MKLN1: variants seen among roughly 807,000 people sequenced by gnomAD.
MKLN1 encodes the protein muskelin.
A neutral mutation model predicts 99.0 loss-of-function variants in MKLN1; 18 were observed. That is an observed-to-expected ratio of 0.18 (90% CI 0.13 to 0.27). The LOEUF is 0.27. Ranked by LOEUF, MKLN1 falls within the 10% of genes least tolerant of loss-of-function variation. MKLN1 has a pLI of 1.00. For synonymous variants in MKLN1, 288 were observed against 293.2 expected (o/e 0.98, Z 0.18); for missense variants, 621 against 875.9 (o/e 0.71, Z 3.67).
At chr7:131,165,728 C>T (rs1487322262) in intron 2 of MKLN1, among the ~76,000 whole-genome samples, 1 of 152,140 alleles carries the variant, frequency 6.6e-6, no homozygotes, top group African/African-American at 2.4e-5. Flanking sequence ...AATAAGATAA[C>T]ACGAGTGATC....
intron 8 of MKLN1, among the ~76,000 whole-genome samples, chr7:131,427,687 G>A (rs929877790): frequency 6.6e-6 from 1 of 151,986 alleles, no homozygotes; most frequent in African/African-American, 2.4e-5. Context: ...CCGAATAGTT[G>A]GGATTACAGG....
rs188202539 is a variant in MKLN1 at position 131,307,589 on chromosome 7, T to C, written c.-178-67835T>C. On this transcript the variant is annotated intron_variant, in intron 3 of 7. Coordinates refer to the MKLN1 transcript ENST00000416992. ...ATCAGCATGCTCTGGATGTGAGACA[T>C]GGAGTCAAAGGAGATTATTTTGGAG... is the stretch of plus-strand genomic sequence containing the variant. Among the ~76,000 whole-genome samples, 42 of 152,326 alleles carry C rather than the reference T, an allele frequency of 2.8e-4. No individual in the cohort carries two copies. In the East Asian group the frequency reaches 6.9e-3, roughly 25 times the overall value.
rs548550869 is a variant in MKLN1 at position 131,442,559 on chromosome 7, C to A, written c.1174-922C>A. On this transcript the variant is annotated intron_variant, in intron 10 of 17. Transcript: ENST00000352689. ...TGAAATTCTGTCTAGGAAAAAAAAA[C>A]AAATTATGAAAATAGCCTTTTGTTT... Among the ~76,000 whole-genome samples the A allele has an allele frequency of 3.6e-3, 549 of 151,958 alleles. 2 individuals carry two copies. Among genetic ancestry groups the A allele is most frequent in the African/African-American group, 0.013 (520 of 41,440 alleles).
intron 5 of MKLN1, among the ~76,000 whole-genome samples, chr7:131,397,759 A>G (rs772974639): frequency 5.3e-5 from 8 of 152,150 alleles, no homozygotes; most frequent in Non-Finnish European, 1.0e-4. Flanking sequence ...TTTCACTTGT[A>G]TTCATATAAA....
chr7:131,359,320 T>C lies in MKLN1; in HGVS notation c.99-16104T>C, dbSNP rs112360847. ...CAAATATTTTGGGATTTTCCAGCTATCTGTGAATGACTTCTAGTTTAATTC... is the reference window on the plus strand; with the variant it reads ...CAAATATTTTGGGATTTTCCAGCTACCTGTGAATGACTTCTAGTTTAATTC... On this transcript the variant is annotated intron_variant, in intron 1 of 17. Transcript: ENST00000352689. 5.5e-3 allele frequency among the ~76,000 whole-genome samples: 842 copies of C among 152,334 alleles called. 10 individuals carry two copies. The highest frequency in any genetic ancestry group is 0.019 in the African/African-American group (806 of 41,564).
chr7:131,482,320 G>A (rs940042876), intron 17 of MKLN1, among the ~76,000 whole-genome samples: 5 of 152,060 alleles, frequency 3.3e-5, no homozygotes, highest in South Asian at 2.1e-4. Context: ...TCAGCCTCCC[G>A]AGTAGCTGGG....
At chr7:131,393,700 C>T (rs528798697) in intron 4 of MKLN1, among the ~76,000 whole-genome samples, 78 of 152,222 alleles carry the variant, frequency 5.1e-4, no homozygotes, top group African/African-American at 1.8e-3. Context: ...GGTCATAGCT[C>T]ACTGTAACAC....
chr7:131,244,059 A>G (rs189110379), intron 3 of MKLN1, among the ~76,000 whole-genome samples: 1 of 152,242 alleles, frequency 6.6e-6, no homozygotes, highest in African/African-American at 2.4e-5. Flanking sequence ...AAGATTCTCC[A>G]AATGTAAAAC....
rs1795557149 is a variant in MKLN1 at position 131,131,864 on chromosome 7, T to C, written c.-418-10956T>C. ...TATTGAGAACTTACATCAGGTATTA[T>C]ACTGCCCTGGTTTCAGACTCAGGAC... is the stretch of plus-strand genomic sequence containing the variant. On this transcript the variant is annotated intron_variant, in intron 1 of 7. Transcript: ENST00000416992. Among the ~76,000 whole-genome samples, 3 of 152,224 alleles carry C rather than the reference T, an allele frequency of 2.0e-5. No homozygotes were observed. In the South Asian group the frequency reaches 6.2e-4, roughly 31 times the overall value.
chr7:131,132,947 A>AAGAAAG (rs1554526877), intron 1 of MKLN1, among the ~76,000 whole-genome samples: 59 of 56,622 alleles, frequency 1.0e-3, no homozygotes, highest in East Asian at 1.4e-3. Flanking sequence ...AAAAAAAAAA[A>AAGAAAG]AAAGAAAGAA....
At chr7:131,435,178 G>A (rs1263348043) in intron 9 of MKLN1, among the ~76,000 whole-genome samples, 2 of 152,096 alleles carry the variant, frequency 1.3e-5, no homozygotes, top group Non-Finnish European at 1.5e-5. Context: ...ATTTTCAGAT[G>A]TAAAATCAAC....
At chr7:131,460,749 G>A (rs1441875046) in intron 12 of MKLN1, among the ~76,000 whole-genome samples, 2 of 152,158 alleles carry the variant, frequency 1.3e-5, no homozygotes, top group Non-Finnish European at 2.9e-5. Context: ...TGCCTGATTT[G>A]ACCCTGAGCA....
At chr7:131,131,051 C>CCAA (rs1554526618) in intron 1 of MKLN1, among the ~76,000 whole-genome samples, 3 of 65,322 alleles carry the variant, frequency 4.6e-5, no homozygotes, top group African/African-American at 6.8e-5. Flanking sequence ...GACCCTGTCT[C>CCAA]AAAAAAAAAA....
At chr7:131,321,980 G>A (rs912625853) in intron 3 of MKLN1, among the ~76,000 whole-genome samples, 2 of 152,214 alleles carry the variant, frequency 1.3e-5, no homozygotes, top group Non-Finnish European at 2.9e-5. Context: ...AGTTGTCCAT[G>A]GAAGAGATAA....
intron 1 of MKLN1, among the ~76,000 whole-genome samples, chr7:131,132,435 T>TATAC (rs1426615195): frequency 6.6e-6 from 1 of 152,200 alleles, no homozygotes; most frequent in East Asian, 1.9e-4. Flanking sequence ...AAAAGACACA[T>TATAC]ATACATACAT....
At chr7:131,333,014 C>T (rs1343012511) in intron 1 of MKLN1, among the ~76,000 whole-genome samples, 1 of 152,110 alleles carries the variant, frequency 6.6e-6, no homozygotes, top group Non-Finnish European at 1.5e-5. Flanking sequence ...AACTCTGCCT[C>T]CTGGCTTCAA....
At chr7:131,437,068 T>A (rs1052410258) in intron 9 of MKLN1, among the ~76,000 whole-genome samples, 3 of 152,048 alleles carry the variant, frequency 2.0e-5, no homozygotes, top group Admixed American at 2.0e-4. Flanking sequence ...AGATTTTATT[T>A]TTTTTATTTT....
intron 3 of MKLN1, among the ~76,000 whole-genome samples, chr7:131,303,827 A>C (rs1798412875): frequency 6.6e-6 from 1 of 152,210 alleles, no homozygotes; most frequent in African/African-American, 2.4e-5. Context: ...TCACTCTTAT[A>C]TCCCCATTGT....
Position 131,494,405 on chromosome 7 carries a change from T to C in MKLN1, c.*6677T>C, listed in dbSNP as rs1026355972. 9 of 152,182 alleles carry C rather than the reference T, an allele frequency of 5.9e-5. 1 individual carries two copies. The highest frequency in any genetic ancestry group is 5.2e-4 in the Admixed American group (8 of 15,280). 9.4% of individuals were successfully genotyped at this position (152,182 alleles called of 1,614,324 possible). The stretch of plus-strand genomic sequence containing the variant: ...CCATTAGAGCCATGCCATCAGGTGT[T>C]TGCAAGTGACAGCTGTAGTGTGTTG... On this transcript the variant is annotated 3_prime_UTR_variant, in exon 18 of 18. Coordinates refer to ENST00000352689, the MANE Select transcript of MKLN1 (RefSeq NM_013255.5).
Sources: gnomAD v4.1 joint callset for allele counts (sites outside exome capture counted in the v4.1 genomes callset) on GRCh38, gnomAD v4.1.1 for gene constraint, MANE v1.5 for transcripts, NCBI Gene and HGNC (gene_info 2026-07-23, HGNC 2026-07-21) for gene names.